RBFOX1: variants seen among roughly 807,000 people sequenced by gnomAD.
RBFOX1 encodes RNA binding protein fox-1 homolog 1.
A neutral mutation model predicts 57.7 loss-of-function variants in RBFOX1; 8 were observed. The ratio of observed to expected loss-of-function variants is 0.14; its 90% CI spans 0.08 to 0.25. RBFOX1 has a LOEUF of 0.25. Ranked by LOEUF, RBFOX1 falls within the 10% of genes least tolerant of loss-of-function variation. RBFOX1 has a pLI of 1.00. For missense variants in RBFOX1, 611 were observed against 548.5 expected, an observed-to-expected ratio of 1.11 and a Z score of -1.14; for synonymous variants, 326 against 222.4, an observed-to-expected ratio of 1.47 and a Z score of -4.15.
intron 3 of RBFOX1, among the ~76,000 whole-genome samples, chr16:6,812,540 A>AT (rs539007376): frequency 1.3e-5 from 2 of 151,662 alleles, no homozygotes; most frequent in Non-Finnish European, 2.9e-5. Flanking sequence ...CGCCCAGCTA[A>AT]TTTTTTTTGT....
At chr16:5,569,438 C>CTTTTTTTTTTTTTTTTTTTTT (rs796279138) in intron 2 of RBFOX1, among the ~76,000 whole-genome samples, 22 of 49,208 alleles carry the variant, frequency 4.5e-4, no homozygotes, top group East Asian at 9.7e-4. Flanking sequence ...AAGAAGTAAC[C>CTTTTTTTTTTTTTTTTTTTTT]TTTTTTTTTT....
At chr16:5,782,426 G>A (rs1251136580) in intron 3 of RBFOX1, among the ~76,000 whole-genome samples, 1 of 152,200 alleles carries the variant, frequency 6.6e-6, no homozygotes, top group Non-Finnish European at 1.5e-5. Context: ...ATGCATTTGA[G>A]AGGGCAGAGC....
chr16:6,807,496 T>C (rs1567334342), intron 3 of RBFOX1, among the ~76,000 whole-genome samples: 1 of 152,076 alleles, frequency 6.6e-6, no homozygotes, highest in Admixed American at 6.6e-5. Flanking sequence ...CACTCACTAA[T>C]GGGACTTTGC....
At chr16:5,659,560 C>G (rs1408496333) in intron 3 of RBFOX1, among the ~76,000 whole-genome samples, 1 of 152,118 alleles carries the variant, frequency 6.6e-6, no homozygotes, top group Non-Finnish European at 1.5e-5. Flanking sequence ...GCCTCGGCCT[C>G]CCAAAGTGCT....
At chr16:7,690,051 C>T (rs910311120) in intron 14 of RBFOX1, among the ~76,000 whole-genome samples, 2 of 152,094 alleles carry the variant, frequency 1.3e-5, no homozygotes, top group Non-Finnish European at 2.9e-5. Flanking sequence ...CCTTGAATCC[C>T]TTCCTTGAAT....
intron 2 of RBFOX1, chr16:6,577,353 A>C (rs1185542370): frequency 6.6e-6 from 1 of 152,226 alleles, no homozygotes; most frequent in Non-Finnish European, 1.5e-5. Flanking sequence ...ATTTTGGAGC[A>C]ATAATGCTTA....
At chr16:5,745,681 T>C (rs1456704552) in intron 3 of RBFOX1, among the ~76,000 whole-genome samples, 11 of 152,146 alleles carry the variant, frequency 7.2e-5, no homozygotes, top group Admixed American at 6.5e-4. Context: ...TTTGCATTTC[T>C]CTGATGGCCA....
At chr16:5,604,998 T>G (rs959807533), downstream of RBFOX1, among the ~76,000 whole-genome samples, 7 of 152,312 alleles carry the variant, frequency 4.6e-5, no homozygotes, top group Middle Eastern at 3.4e-3. Context: ...GAAGTGAAAC[T>G]CCTGTTCCCT....
At chr16:6,623,906 T>C (rs369136837) in intron 2 of RBFOX1, among the ~76,000 whole-genome samples, 1 of 152,192 alleles carries the variant, frequency 6.6e-6, no homozygotes, top group East Asian at 1.9e-4. Context: ...AATAAACATG[T>C]GTGCATGTGT....
chr16:6,932,249 A>G (rs2076681382), intron 3 of RBFOX1, among the ~76,000 whole-genome samples: 1 of 152,072 alleles, frequency 6.6e-6, no homozygotes, highest in Admixed American at 6.6e-5. Flanking sequence ...GATTACAGGC[A>G]TGCACCACCA....
chr16:7,144,971 A>C (rs1332475901), intron 4 of RBFOX1, among the ~76,000 whole-genome samples: 2 of 152,060 alleles, frequency 1.3e-5, no homozygotes, highest in East Asian at 3.9e-4. Context: ...AGTGGAGTGC[A>C]GGGAGATAAG....
At chr16:7,510,619 G>C (rs955743767) in intron 4 of RBFOX1, among the ~76,000 whole-genome samples, 1 of 152,152 alleles carries the variant, frequency 6.6e-6, no homozygotes, top group Non-Finnish European at 1.5e-5. Context: ...TTCTTTGTTT[G>C]AATGCCCCTA....
chr16:7,180,763 T>A (rs1176702222), intron 4 of RBFOX1, among the ~76,000 whole-genome samples: 1 of 151,664 alleles, frequency 6.6e-6, no homozygotes, highest in Non-Finnish European at 1.5e-5. Context: ...GTGAAAATAT[T>A]TAGGCAAAAT....
chr16:5,647,145 C>T (rs1387084598), intron 3 of RBFOX1, among the ~76,000 whole-genome samples: 2 of 152,298 alleles, frequency 1.3e-5, no homozygotes, highest in East Asian at 1.9e-4. Flanking sequence ...GGACAAAATC[C>T]TGCCTCAAGG....
At chr16:7,337,778 A>C (rs1384902512) in intron 4 of RBFOX1, among the ~76,000 whole-genome samples, 1 of 152,232 alleles carries the variant, frequency 6.6e-6, no homozygotes, top group East Asian at 1.9e-4. Flanking sequence ...TCCACCTCCC[A>C]GGTTCAAGCG....
At chr16:5,545,189 G>A (rs773591824) in intron 2 of RBFOX1, among the ~76,000 whole-genome samples, 4 of 151,998 alleles carry the variant, frequency 2.6e-5, no homozygotes, top group South Asian at 4.1e-4. Flanking sequence ...TGTTGGCCAG[G>A]CTGGTCTTGA....
intron 3 of RBFOX1, among the ~76,000 whole-genome samples, chr16:5,710,116 C>T (rs2051430064): frequency 6.6e-6 from 1 of 151,572 alleles, no homozygotes; most frequent in African/African-American, 2.4e-5. Context: ...TCTGAAGATG[C>T]ATGTGAGAGA....
chr16:5,350,810 A>G lies in RBFOX1; in HGVS notation c.219+110705A>G, dbSNP rs1285327873. ...GAACCCGGAGGCGGAGGTTGCAGTG[A>G]GCCGATATTGCACCACTGCGCTCCA... On this transcript the variant is annotated intron_variant, in intron 1 of 2. Coordinates refer to the RBFOX1 transcript ENST00000585867. Among the ~76,000 whole-genome samples the G allele has an allele frequency of 2.6e-5, 4 of 152,206 alleles. No individual in the cohort carries two copies. The East Asian group carries it at 7.7e-4, about 29-fold the overall frequency.
At chr16:6,165,288 A>G (rs1430429851) in intron 1 of RBFOX1, among the ~76,000 whole-genome samples, 1 of 152,160 alleles carries the variant, frequency 6.6e-6, no homozygotes, top group African/African-American at 2.4e-5. Context: ...TATTGTTTTT[A>G]TATTTACTTT....
Sources: allele counts gnomAD v4.1 joint callset (sites outside exome capture counted in the v4.1 genomes callset), GRCh38; gene constraint gnomAD v4.1.1; transcripts MANE v1.5; gene names NCBI Gene and HGNC (gene_info 2026-07-23, HGNC 2026-07-21).